MARK3: variants seen among roughly 807,000 people sequenced by gnomAD.
The protein encoded by MARK3 is microtubule affinity regulating kinase 3.
A neutral mutation model predicts 90.1 loss-of-function variants in MARK3; 46 were observed. That is an observed-to-expected ratio of 0.51 (90% CI 0.40 to 0.65). MARK3 has a LOEUF of 0.65. MARK3 is among the 30% of genes least tolerant of loss of function. The pLI, the probability that MARK3 is intolerant of heterozygous loss-of-function variation, is 0.00. For missense variants in MARK3, 818 were observed against 947.2 expected (o/e 0.86, Z 1.79); for synonymous variants, 321 against 332.6 (o/e 0.97, Z 0.38).
chr14:103,418,069 A>G (rs539334649), intron 2 of MARK3, among the ~76,000 whole-genome samples: 4 of 152,188 alleles, frequency 2.6e-5, no homozygotes, highest in South Asian at 2.1e-4. Context: ...ACTCTGTCTC[A>G]AAAGAAAGAA....
At chr14:103,481,476 T>C (rs2093816886) in intron 14 of MARK3, among the ~76,000 whole-genome samples, 1 of 152,180 alleles carries the variant, frequency 6.6e-6, no homozygotes, top group African/African-American at 2.4e-5. Flanking sequence ...AATCAAAAAT[T>C]CTCTCCTCCT....
chr14:103,396,453 T>G (rs1252162427), intron 1 of MARK3, among the ~76,000 whole-genome samples: 1 of 152,166 alleles, frequency 6.6e-6, no homozygotes, highest in East Asian at 1.9e-4. Flanking sequence ...TTTCCTTTAC[T>G]TTCATATTAA....
intron 15 of MARK3, among the ~76,000 whole-genome samples, chr14:103,495,194 G>A (rs1279994285): frequency 1.3e-5 from 2 of 152,160 alleles, no homozygotes; most frequent in Admixed American, 6.5e-5. Context: ...ATCAGGGCCT[G>A]GTGCAGTGGC....
At chr14:103,492,839 C>CGT (rs2075082567) in intron 15 of MARK3, among the ~76,000 whole-genome samples, 1 of 152,128 alleles carries the variant, frequency 6.6e-6, no homozygotes, top group Non-Finnish European at 1.5e-5. Context: ...CACTTTGAAC[C>CGT]GTAAACAATA....
chr14:103,465,843 A>C, intron 8 of MARK3, 50 bp downstream of exon 8: 1 of 1,560,516 alleles, frequency 6.4e-7, no homozygotes, highest in Non-Finnish European at 8.7e-7. Flanking sequence ...GAAGTTTCCT[A>C]ATATTACATG....
intron 3 of MARK3, among the ~76,000 whole-genome samples, chr14:103,438,365 G>A (rs1272718868): frequency 6.6e-6 from 1 of 152,140 alleles, no homozygotes; most frequent in Non-Finnish European, 1.5e-5. Flanking sequence ...AGATTTTGTG[G>A]TTTGTTCACT....
Position 103,502,910 on chromosome 14 carries a change from G to T in MARK3, c.1945G>T (p.Glu649Ter). The part of the protein sequence containing the change: ...SRNVSAEQKD[E>*]NKEAKPRSLR... ...CAATGTATCTGCTGAGCAAAAAGAT[G>T]AAAACAAAGAAGCAAAGCCTCGATC... Residue 649 changes from glutamate to a stop codon, truncating the protein, a stop_gained, in exon 18 of 18, where the codon GAA (glutamate) becomes TAA (stop). Coordinates refer to ENST00000429436, the MANE Select transcript of MARK3 (RefSeq NM_001128918.3). LOFTEE classifies it high-confidence loss of function. 6.2e-7 allele frequency: 1 copy of T among 1,612,440 alleles called. No individual in the cohort carries two copies. Among genetic ancestry groups the T allele is most frequent in the Non-Finnish European group, 8.5e-7 (1 of 1,178,612 alleles).
Position 103,468,028 on chromosome 14 carries a change from C to G in MARK3, c.1111-5C>G, listed in dbSNP as rs1242194553. ...GTTTGCTCTGTTTTTCTCATTTTCT[C>G]TTAGCTGGATGCTAGTGATTCCAGT... On this transcript the variant is annotated splice_polypyrimidine_tract_variant and splice_region_variant and intron_variant, in intron 11 of 17. Coordinates refer to ENST00000429436, the MANE Select transcript of MARK3 (RefSeq NM_001128918.3). 6.2e-7 allele frequency: 1 copy of G among 1,610,780 alleles called. No individual in the cohort carries two copies. Among genetic ancestry groups the G allele is most frequent in the African/African-American group, 1.3e-5 (1 of 74,710 alleles).
intron 14 of MARK3, among the ~76,000 whole-genome samples, chr14:103,481,650 T>C (rs1485350776): frequency 7.9e-5 from 12 of 151,748 alleles, no homozygotes; most frequent in Admixed American, 6.6e-4. Context: ...CGTGTGTGTG[T>C]GTGTGTGTGT....
At chr14:103,411,480 C>A (rs1437966812) in intron 2 of MARK3, among the ~76,000 whole-genome samples, 1 of 152,168 alleles carries the variant, frequency 6.6e-6, no homozygotes, top group Non-Finnish European at 1.5e-5. Context: ...CCTGCGTTAA[C>A]ACATAATAAA....
At chr14:103,420,008 C>T (rs959376878) in intron 2 of MARK3, among the ~76,000 whole-genome samples, 2 of 151,848 alleles carry the variant, frequency 1.3e-5, no homozygotes, top group African/African-American at 4.8e-5. Flanking sequence ...GAAACAGAAA[C>T]TTTTGGAAAC....
In MARK3 at chr14:103,491,144, T is replaced by C. The variant is rs571646794; in HGVS notation, c.1587-633T>C. 167 of 1,217,354 alleles carry C rather than the reference T, an allele frequency of 1.4e-4. 1 individual carries two copies. The South Asian group carries it at 2.0e-3, about 15-fold the overall frequency. 75.4% of individuals were successfully genotyped at this position (1,217,354 alleles called of 1,614,324 possible). ...GCACATTCTTTGTGAAACTAATGTG[T>C]ACCCACTGCTTCTTAATTTTGTGCT... On this transcript the variant is annotated intron_variant, in intron 14 of 17. Coordinates refer to ENST00000429436, the MANE Select transcript of MARK3 (RefSeq NM_001128918.3).
rs138801565 is a variant in MARK3 at position 103,493,918 on chromosome 14, T to G, written c.1844+1884T>G. Among the ~76,000 whole-genome samples the G allele has an allele frequency of 2.6e-3, 395 of 151,312 alleles. 2 individuals are homozygous for G. Among genetic ancestry groups the G allele is most frequent in the African/African-American group, 9.2e-3 (379 of 41,254 alleles). On this transcript the variant is annotated intron_variant, in intron 15 of 17. Transcript: ENST00000429436. ...ACTTTGAGTTTATTTTTCTTCTTTG[T>G]ACTCTTTTTTCAGTCATTTTAAGAC...
chr14:103,417,088 C>T (rs2091975797), intron 2 of MARK3, among the ~76,000 whole-genome samples: 1 of 152,140 alleles, frequency 6.6e-6, no homozygotes, highest in Non-Finnish European at 1.5e-5. Context: ...GTCAGCATGG[C>T]GTTGTGCTAC....
chr14:103,443,790 C>T (rs906495429), intron 3 of MARK3, among the ~76,000 whole-genome samples: 1 of 152,112 alleles, frequency 6.6e-6, no homozygotes, highest in African/African-American at 2.4e-5. Context: ...TACACAAATG[C>T]ATTTTCTTGA....
intron 1 of MARK3, among the ~76,000 whole-genome samples, chr14:103,390,030 C>T (rs573910640): frequency 8.0e-5 from 12 of 150,312 alleles, no homozygotes; most frequent in East Asian, 2.0e-4. Flanking sequence ...GGGCAGATCA[C>T]GAGGTCAGGA....
intron 2 of MARK3, among the ~76,000 whole-genome samples, chr14:103,420,119 C>T (rs2140945776): frequency 6.6e-6 from 1 of 152,174 alleles, no homozygotes; most frequent in Non-Finnish European, 1.5e-5. Context: ...AGCATAAAAA[C>T]AGTCAGCATG....
intron 14 of MARK3, chr14:103,490,663 A>G (rs758428939): frequency 1.3e-5 from 2 of 154,934 alleles, no homozygotes; most frequent in Non-Finnish European, 2.9e-5. Context: ...TATTTTGTGC[A>G]TACCCTCAGA....
intron 14 of MARK3, among the ~76,000 whole-genome samples, chr14:103,485,582 AT>A (rs1443388493): frequency 6.6e-6 from 1 of 152,062 alleles, no homozygotes; most frequent in Admixed American, 6.6e-5. Flanking sequence ...CTTGGACTAT[AT>A]TTTTAATTCT....
Sources: gnomAD v4.1 joint callset for allele counts (sites outside exome capture counted in the v4.1 genomes callset) on GRCh38, gnomAD v4.1.1 for gene constraint, MANE v1.5 for transcripts, NCBI Gene and HGNC (gene_info 2026-07-23, HGNC 2026-07-21) for gene names.